Variants in CCDC144A observed in about 807,000 individuals in gnomAD.
CCDC144A encodes coiled-coil domain-containing protein 144A.
A neutral mutation model predicts 143.8 loss-of-function variants in CCDC144A; 41 were observed. That is an observed-to-expected ratio of 0.29 (90% confidence interval 0.22 to 0.37). The LOEUF (loss-of-function observed/expected upper bound fraction) is 0.37, where lower values mean the gene tolerates loss of function less well. CCDC144A is among the 10% of genes least tolerant of loss of function. The pLI, the probability that CCDC144A is intolerant of heterozygous loss-of-function variation, is 1.00. For missense variants in CCDC144A, 637 were observed against 1,488.8 expected, an observed-to-expected ratio of 0.43 and a Z score of 9.41; for synonymous variants, 242 against 517.9, an observed-to-expected ratio of 0.47 and a Z score of 7.23.
chr17:16,741,422 T>C (rs1490185942), intron 12 of CCDC144A, among the ~76,000 whole-genome samples: 5 of 152,200 alleles, frequency 3.3e-5, no homozygotes, highest in Admixed American at 1.3e-4. Flanking sequence ...TAGGCTCTCT[T>C]TGTGGCCTAA....
chr17:16,707,830 A>G (rs1431716101), intron 4 of CCDC144A, among the ~76,000 whole-genome samples: 1 of 152,224 alleles, frequency 6.6e-6, no homozygotes, highest in Non-Finnish European at 1.5e-5. Flanking sequence ...TAAAGAAGAT[A>G]ATGTCAATTA....
At chr17:16,675,447 C>G in the CCDC144A span, among the ~76,000 whole-genome samples, 1 of 150,328 alleles carries the variant, frequency 6.7e-6, no homozygotes, top group African/African-American at 2.4e-5. Context: ...TATTTAAATC[C>G]CATGCCTTTC....
Position 16,774,572 on chromosome 17 carries a change from G to C in CCDC144A, c.*939G>C. 1 of 140,238 alleles carries C rather than the reference G, an allele frequency of 7.1e-6. No homozygotes were observed. The allele number at this position is 140,238 out of a possible 1,614,324, so 8.7% of individuals were successfully genotyped here. On this transcript the variant is annotated 3_prime_UTR_variant, in exon 17 of 17. Coordinates refer to ENST00000399273, the MANE Select transcript of CCDC144A (RefSeq NM_001382000.1). ...GAATGTCCCTCCATTGGATTTCTCT[G>C]AACTTTTTTTATGATAAGATTTAGA...
At chr17:16,702,680 G>C (rs1292883903) in intron 2 of CCDC144A, among the ~76,000 whole-genome samples, 5 of 152,304 alleles carry the variant, frequency 3.3e-5, no homozygotes, top group African/African-American at 9.6e-5. Context: ...GATATGCAGT[G>C]TCAGGATAGA....
intron 15 of CCDC144A, among the ~76,000 whole-genome samples, chr17:16,769,113 G>C (rs1387926203): frequency 6.6e-6 from 1 of 152,060 alleles, no homozygotes; most frequent in Non-Finnish European, 1.5e-5. Context: ...TTTAAGTGGA[G>C]AAAACAAATG....
rs773778347 is a variant in CCDC144A at position 16,708,914 on chromosome 17, A to G, written c.857A>G (p.Glu286Gly). ...EEMWIEQGKLEWKNQLKLVIN... is the reference protein window; with the variant it reads ...EEMWIEQGKLGWKNQLKLVIN... ...ATGTGGATTGAACAAGGCAAATTAGAGTGGAAAAACCAATTAAAACTCGTC... is the reference window on the plus strand; with the variant it reads ...ATGTGGATTGAACAAGGCAAATTAGGGTGGAAAAACCAATTAAAACTCGTC... The change falls in exon 5 of 17, where the codon GAG (glutamate) becomes GGG (glycine). Residue 286 changes from glutamate to glycine, a missense_variant. Glu to Gly is a moderately conservative substitution (Grantham distance 98). Transcript: ENST00000399273. The G allele has an allele frequency of 3.1e-6, 5 of 1,611,744 alleles. No homozygotes were observed. The highest frequency in any genetic ancestry group is 3.4e-6 in the Non-Finnish European group (4 of 1,179,666).
Position 16,777,625 on chromosome 17 carries a change from A to G in CCDC144A, c.*3992A>G, listed in dbSNP as rs1393812379. On this transcript the variant is annotated 3_prime_UTR_variant, in exon 17 of 17. Transcript: ENST00000399273. ...CTCCTGAATGATTGTTGGGTCAACAATGATATCAAGAGGGAAATTTAAAAA... is the reference window on the plus strand; with the variant it reads ...CTCCTGAATGATTGTTGGGTCAACAGTGATATCAAGAGGGAAATTTAAAAA... 1 of 137,476 alleles carries G rather than the reference A, an allele frequency of 7.3e-6. No homozygotes were observed. Among genetic ancestry groups the G allele is most frequent in the Non-Finnish European group, 1.5e-5 (1 of 66,034 alleles). The allele number at this position is 137,476 out of a possible 1,614,324, so 8.5% of individuals were successfully genotyped here. A position where few individuals can be genotyped will look rare whatever the true frequency, so the allele number is the denominator to read the frequency against.
intron 12 of CCDC144A, among the ~76,000 whole-genome samples, chr17:16,749,783 G>A (rs1454454482): frequency 6.0e-4 from 92 of 152,228 alleles, no homozygotes; most frequent in South Asian, 2.1e-4. Context: ...GTGTTGGGTG[G>A]GTATGTATTT....
At chr17:16,762,099 C>A (rs985669417) in intron 13 of CCDC144A, among the ~76,000 whole-genome samples, 51 of 152,178 alleles carry the variant, frequency 3.4e-4, no homozygotes, top group Non-Finnish European at 5.4e-4. Flanking sequence ...AATTGTTCAA[C>A]AATTCAGATT....
intron 12 of CCDC144A, among the ~76,000 whole-genome samples, chr17:16,752,219 G>C (rs556552469): frequency 7.2e-5 from 11 of 152,194 alleles, no homozygotes; most frequent in Non-Finnish European, 1.3e-4. Flanking sequence ...CGCGAGCCGT[G>C]TTGTGAACTG....
chr17:16,744,591 G>A (rs1016145719), intron 12 of CCDC144A, among the ~76,000 whole-genome samples: 18 of 152,056 alleles, frequency 1.2e-4, no homozygotes, highest in Non-Finnish European at 2.1e-4. Context: ...TTCCTTATAG[G>A]TTCTGGATAT....
intron 6 of CCDC144A, among the ~76,000 whole-genome samples, chr17:16,717,058 C>G (rs1202763927): frequency 1.3e-5 from 2 of 151,594 alleles, no homozygotes; most frequent in African/African-American, 4.8e-5. Context: ...GCCTCGGCCT[C>G]CCAAAGTGCT....
chr17:16,698,027 G>C (rs1443166621), intron 2 of CCDC144A, among the ~76,000 whole-genome samples: 1 of 152,214 alleles, frequency 6.6e-6, no homozygotes, highest in Non-Finnish European at 1.5e-5. Context: ...GTCCATGTGG[G>C]ATATTTTCAG....
At position 16,708,788 on chromosome 17, in the gene CCDC144A, A is replaced by G. The variant is rs1912201464; in HGVS notation, c.739-8A>G. 6.2e-7 allele frequency: 1 copy of G among 1,611,616 alleles called. No homozygotes were observed. Among genetic ancestry groups the G allele is most frequent in the Non-Finnish European group, 8.5e-7 (1 of 1,179,712 alleles). ...AAGCAAATTAATCTTCCACTTTTGCATCTGCAGAAAACGTCTCAAGAACCA... is the reference window on the plus strand; with the variant it reads ...AAGCAAATTAATCTTCCACTTTTGCGTCTGCAGAAAACGTCTCAAGAACCA... On this transcript the variant is annotated splice_polypyrimidine_tract_variant and splice_region_variant and intron_variant, in intron 4 of 16. Transcript: ENST00000399273.
At chr17:16,752,210 G>A (rs1454541772) in intron 12 of CCDC144A, among the ~76,000 whole-genome samples, 5 of 152,172 alleles carry the variant, frequency 3.3e-5, no homozygotes, top group Admixed American at 6.5e-5. Context: ...TCATAGGAGC[G>A]CGAGCCGTGT....
intron 11 of CCDC144A, 27 bp downstream of exon 11, chr17:16,732,693 T>C (rs1913796182): frequency 1.2e-5 from 19 of 1,543,276 alleles, no homozygotes; most frequent in Non-Finnish European, 1.5e-5. Flanking sequence ...TTTTCAAATA[T>C]ATTTTTGTAT....
chr17:16,764,573 T>C, intron 15 of CCDC144A: 1 of 264,396 alleles, frequency 3.8e-6, no homozygotes, highest in Non-Finnish European at 7.0e-6. Flanking sequence ...TCAGGTTTTC[T>C]ACCTGTCATC....
In CCDC144A at chr17:16,720,239, A is replaced by G; in HGVS notation, c.1749+8A>G. The G allele has an allele frequency of 2.0e-6, 3 of 1,519,058 alleles. No individual in the cohort carries two copies. The highest frequency in any genetic ancestry group is 2.6e-6 in the Non-Finnish European group (3 of 1,137,336). The allele number at this position is 1,519,058 out of a possible 1,614,324, so 94.1% of individuals were successfully genotyped here. A position where few individuals can be genotyped will look rare whatever the true frequency, so the allele number is the denominator to read the frequency against. Reference sequence around the variant, plus strand: ...TCTAATGAAAAGAACGAGGTATTGTAAAAAAGGAAATGATCTAAAATATTG... The same window carrying G: ...TCTAATGAAAAGAACGAGGTATTGTGAAAAAGGAAATGATCTAAAATATTG... On this transcript the variant is annotated splice_region_variant and intron_variant, in intron 7 of 16. Coordinates refer to ENST00000399273, the MANE Select transcript of CCDC144A (RefSeq NM_001382000.1).
chr17:16,682,207 G>A, the CCDC144A span, among the ~76,000 whole-genome samples: 4 of 104,738 alleles, frequency 3.8e-5, no homozygotes, highest in African/African-American at 2.1e-4. Context: ...AAATGGGTGT[G>A]TGTGTGTGTG....
Sources: allele counts gnomAD v4.1 joint callset (sites outside exome capture counted in the v4.1 genomes callset), GRCh38; gene constraint gnomAD v4.1.1; transcripts MANE v1.5; gene names NCBI Gene and HGNC (gene_info 2026-07-23, HGNC 2026-07-21).